Variants in SLIT1 observed in about 807,000 individuals in gnomAD.
SLIT1 encodes the protein slit homolog 1 protein.
A neutral mutation model predicts 186.1 loss-of-function variants in SLIT1; 66 were observed. The ratio of observed to expected loss-of-function variants is 0.35; its 90% confidence interval spans 0.29 to 0.44. The LOEUF (loss-of-function observed/expected upper bound fraction) is 0.44. SLIT1 is among the 20% of genes least tolerant of loss of function. The pLI is 1.00. For missense variants in SLIT1, 1,638 were observed against 2,037.4 expected, an observed-to-expected ratio of 0.80 and a Z score of 3.77; for synonymous variants, 761 against 833.8, an observed-to-expected ratio of 0.91 and a Z score of 1.50.
intron 4 of SLIT1, among the ~76,000 whole-genome samples, chr10:97,131,283 C>A (rs1849651856): frequency 6.6e-6 from 1 of 152,248 alleles, no homozygotes. Context: ...CATCTCTCAC[C>A]ACACACACTG....
At chr10:97,048,859 G>A (rs2817659) in intron 14 of SLIT1, 96 bp downstream of exon 14, 357 of 466,516 alleles carry the variant, frequency 7.7e-4, no homozygotes, top group Middle Eastern at 2.0e-3. Context: ...GGGTAGGTGG[G>A]CAGGTGGGCA....
chr10:97,075,804 G>A (rs1849040222), intron 4 of SLIT1, among the ~76,000 whole-genome samples: 1 of 152,206 alleles, frequency 6.6e-6, no homozygotes, highest in Non-Finnish European at 1.5e-5. Context: ...ACTGAAGTCT[G>A]AGAAGTGCTG....
intron 25 of SLIT1, among the ~76,000 whole-genome samples, chr10:97,023,152 A>G (rs1848515986): frequency 1.3e-5 from 2 of 151,518 alleles, no homozygotes; most frequent in African/African-American, 2.4e-5. Flanking sequence ...CCCAGGTTCC[A>G]GTGATTCTTG....
chr10:97,178,267 G>A (rs1202495364), intron 1 of SLIT1, among the ~76,000 whole-genome samples: 6 of 152,154 alleles, frequency 3.9e-5, no homozygotes, highest in Admixed American at 3.9e-4. Context: ...CACCAATACT[G>A]GCACAAACTG....
chr10:97,149,510 C>T (rs1198629597), intron 4 of SLIT1, among the ~76,000 whole-genome samples: 1 of 152,120 alleles, frequency 6.6e-6, no homozygotes, highest in Admixed American at 6.5e-5. Context: ...GGAAGCCCCT[C>T]CTAAGACTCA....
In SLIT1 at chr10:97,043,831, T is replaced by G. The variant is rs1848712933; in HGVS notation, c.1854-318A>C. Among the ~76,000 whole-genome samples the G allele has an allele frequency of 6.6e-6, 1 of 152,160 alleles. No individual in the cohort carries two copies. ...GTTCCTGCCCGTCTTTAGGCCATGCTCCACATCAGTGCCCAGGAGACTTCC... is the reference window on the plus strand; with the variant it reads ...GTTCCTGCCCGTCTTTAGGCCATGCGCCACATCAGTGCCCAGGAGACTTCC... On this transcript the variant is annotated intron_variant, in intron 18 of 36. Transcript: ENST00000266058. The surrounding 1 kb of genome is among the most constrained non-coding windows in gnomAD (Gnocchi z 7.0).
intron 4 of SLIT1, among the ~76,000 whole-genome samples, chr10:97,121,193 T>C (rs577793942): frequency 1.3e-5 from 2 of 152,342 alleles, no homozygotes; most frequent in East Asian, 1.9e-4. Context: ...CTCAACAGCA[T>C]GGAAGGCCTG....
intron 18 of SLIT1, among the ~76,000 whole-genome samples, chr10:97,046,182 C>G (rs533636567): frequency 2.6e-5 from 4 of 152,194 alleles, no homozygotes; most frequent in Non-Finnish European, 4.4e-5. Context: ...ACCCCAGGAT[C>G]CCACTGAGCT....
intron 4 of SLIT1, chr10:97,154,037 G>A (rs1849914981): frequency 6.6e-6 from 1 of 152,300 alleles, no homozygotes; most frequent in South Asian, 2.1e-4. Flanking sequence ...CAAGCGTGCC[G>A]AGTACTCCTT....
At chr10:97,079,690 C>T (rs529212127) in intron 4 of SLIT1, among the ~76,000 whole-genome samples, 1 of 152,348 alleles carries the variant, frequency 6.6e-6, no homozygotes, top group South Asian at 2.1e-4. Flanking sequence ...TGAGGAGGGA[C>T]TGGGGCCAGC....
chr10:97,133,973 T>C (rs1377423793), intron 4 of SLIT1, among the ~76,000 whole-genome samples: 1 of 152,218 alleles, frequency 6.6e-6, no homozygotes, highest in African/African-American at 2.4e-5. Flanking sequence ...TTCTTTGCTA[T>C]GACTGTGCTG....
Position 97,185,634 on chromosome 10 carries a change from A to G in SLIT1, c.41T>C (p.Val14Ala). 1 of 1,539,910 alleles carries G rather than the reference A, an allele frequency of 6.5e-7. No homozygotes were observed. The highest frequency in any genetic ancestry group is 8.7e-7 in the Non-Finnish European group (1 of 1,145,078). The change falls in exon 1 of 37, where the codon GTC becomes GCC. Residue 14 changes from valine (V) to alanine (A), a missense_variant. Around this residue, in one of 3 missense-constraint regions of SLIT1, gnomAD observed 1,245 missense variants for 1,535.3 expected, o/e 0.81. Coordinates refer to ENST00000266058, the MANE Select transcript of SLIT1 (RefSeq NM_003061.3). The part of the protein sequence containing the change: ...TPGWGSSAGP[V>A]RPELWLLLWA... ...CAGCAGCAGCCAGAGCTCCGGCCGG[A>G]CCGGCCCCGCCGAGGACCCCCACCC...
Position 97,059,838 on chromosome 10 carries a change from G to A in SLIT1, c.1013+249C>T, listed in dbSNP as rs114301726. Among the ~76,000 whole-genome samples, 1,033 of 152,260 alleles carry A rather than the reference G, an allele frequency of 6.8e-3. 12 individuals are homozygous for A. Among genetic ancestry groups the A allele is most frequent in the African/African-American group, 0.022 (907 of 41,550 alleles). ...CTCCTATTGGTACCCAAGCTGAAACGGGAGGATGACAAGCAGCTCCCATCA... is the reference window on the plus strand; with the variant it reads ...CTCCTATTGGTACCCAAGCTGAAACAGGAGGATGACAAGCAGCTCCCATCA... On this transcript the variant is annotated intron_variant, in intron 10 of 36. Transcript: ENST00000266058.
chr10:96,999,882 C>T lies in SLIT1; in HGVS notation c.*1230G>A, dbSNP rs988640050. 3.9e-5 allele frequency: 6 copies of T among 152,304 alleles called. No individual in the cohort carries two copies. Among genetic ancestry groups the T allele is most frequent in the Admixed American group, 3.9e-4 (6 of 15,292 alleles). The allele number at this position is 152,304 out of a possible 1,614,324, so 9.4% of individuals were successfully genotyped here. A position where few individuals can be genotyped will look rare whatever the true frequency, so the allele number is the denominator to read the frequency against. ...TCCATTAGGCCAGAACGTCCACAAT[C>T]CCCAGCCCCGGGTTAGGCACATAAA... On this transcript the variant is annotated 3_prime_UTR_variant, in exon 37 of 37. Coordinates refer to ENST00000266058, the MANE Select transcript of SLIT1 (RefSeq NM_003061.3).
At chr10:97,148,037 T>C (rs1174622701) in intron 4 of SLIT1, among the ~76,000 whole-genome samples, 1 of 152,220 alleles carries the variant, frequency 6.6e-6, no homozygotes, top group African/African-American at 2.4e-5. Context: ...GTGTACAGCA[T>C]GGTGAAGAAG....
chr10:97,124,945 G>T (rs1028506143), intron 4 of SLIT1, among the ~76,000 whole-genome samples: 1 of 152,140 alleles, frequency 6.6e-6, no homozygotes, highest in African/African-American at 2.4e-5. Flanking sequence ...TAACAGAAAA[G>T]GAACACAAAT....
intron 4 of SLIT1, among the ~76,000 whole-genome samples, chr10:97,122,902 T>C (rs146906258): frequency 6.6e-6 from 1 of 152,226 alleles, no homozygotes; most frequent in East Asian, 1.9e-4. Flanking sequence ...CACCTGTCTA[T>C]TTCACCTGTC....
chr10:97,128,862 G>A (rs35561336), intron 4 of SLIT1, among the ~76,000 whole-genome samples: 4,493 of 152,186 alleles, frequency 0.03, 86 homozygotes, highest in Non-Finnish European at 0.043. Context: ...CCTTCCGGCC[G>A]CAGAACAAGC....
At chr10:97,102,433 A>C (rs1347628365) in intron 4 of SLIT1, 5 of 139,162 alleles carry the variant, frequency 3.6e-5, no homozygotes, top group East Asian at 2.1e-4. Flanking sequence ...AAAAAAAAAA[A>C]AAAAAGAAAG....
Sources: allele counts gnomAD v4.1 joint callset (sites outside exome capture counted in the v4.1 genomes callset), GRCh38; gene constraint gnomAD v4.1.1; regional missense constraint gnomAD v4.1.1; non-coding constraint Gnocchi (gnomAD v3.1); transcripts MANE v1.5; gene names NCBI Gene and HGNC (gene_info 2026-07-23, HGNC 2026-07-21).